Variants in UTRN observed in about 807,000 individuals in gnomAD.
The protein encoded by UTRN is dystrophin-related protein 1.
A neutral mutation model predicts 463.9 loss-of-function variants in UTRN; 283 were observed. The observed-to-expected ratio is 0.61, with a 90% confidence interval of 0.55 to 0.67. The LOEUF (loss-of-function observed/expected upper bound fraction) is 0.67. Among genes scored for constraint, UTRN ranks in the 30% least tolerant of loss-of-function variants. The probability of loss-of-function intolerance (pLI) is 0.00; values close to 1 mark genes in which losing one functional copy is unlikely to be tolerated. For missense variants in UTRN, 3,922 were observed against 4,084.3 expected (o/e 0.96, Z 1.08); for synonymous variants, 1,442 against 1,431.5 (o/e 1.01, Z -0.17).
At chr6:144,337,018 G>A (rs955318185) in intron 2 of UTRN, among the ~76,000 whole-genome samples, 5 of 151,974 alleles carry the variant, frequency 3.3e-5, no homozygotes, top group African/African-American at 7.3e-5. Flanking sequence ...CCTGCAGATC[G>A]CTGTCAGCCA....
At chr6:144,553,164 A>G (rs554861904) in intron 48 of UTRN, among the ~76,000 whole-genome samples, 204 of 152,214 alleles carry the variant, frequency 1.3e-3, no homozygotes, top group African/African-American at 4.7e-3. Context: ...CAGCCTCCCA[A>G]GTAGCTGGGA....
intron 28 of UTRN, among the ~76,000 whole-genome samples, 183 bp from the exon 29 acceptor site, chr6:144,487,365 C>G (rs1792566524): frequency 6.6e-6 from 1 of 152,074 alleles, no homozygotes. Flanking sequence ...CAATTTTATG[C>G]ATTTTTTAAT....
At chr6:144,517,009 A>T in intron 39 of UTRN, 61 bp downstream of exon 39, 2 of 1,340,404 alleles carry the variant, frequency 1.5e-6, no homozygotes, top group Non-Finnish European at 1.9e-6. Flanking sequence ...TGCCATTCAG[A>T]TGTGTGATGC....
intron 54 of UTRN, among the ~76,000 whole-genome samples, chr6:144,742,486 A>T (rs1241353890): frequency 6.6e-6 from 1 of 152,194 alleles, no homozygotes; most frequent in Non-Finnish European, 1.5e-5. Context: ...AAAGAGAGAG[A>T]GAAATAGGAG....
intron 3 of UTRN, among the ~76,000 whole-genome samples, chr6:144,418,604 T>A (rs1455537162): frequency 6.6e-6 from 1 of 151,902 alleles, no homozygotes; most frequent in Admixed American, 6.6e-5. Flanking sequence ...CTTGCTGTGT[T>A]GCCTAGGTTG....
chr6:144,435,833 G>A, intron 9 of UTRN, 102 bp from the exon 10 acceptor site: 2 of 1,295,346 alleles, frequency 1.5e-6, no homozygotes, highest in Non-Finnish European at 2.1e-6. Context: ...TAGTGCCTAA[G>A]ACAGAGTGGT....
chr6:144,721,910 G>T (rs766789817), intron 53 of UTRN, among the ~76,000 whole-genome samples: 1 of 152,162 alleles, frequency 6.6e-6, no homozygotes, highest in Non-Finnish European at 1.5e-5. Context: ...AATCATTTCA[G>T]CACTCAAGTT....
chr6:144,720,550 A>G (rs1371823901), intron 53 of UTRN, among the ~76,000 whole-genome samples: 10 of 152,224 alleles, frequency 6.6e-5, no homozygotes, highest in Non-Finnish European at 1.5e-4. Context: ...TTTAGTAGCT[A>G]CATTCTGATA....
chr6:144,448,882 A>C, intron 17 of UTRN, 113 bp downstream of exon 17: 2 of 1,211,592 alleles, frequency 1.7e-6, no homozygotes, highest in Non-Finnish European at 2.3e-6. Flanking sequence ...CATAATAAGT[A>C]TTATTATTAT....
At chr6:144,651,213 C>T (rs1778787734) in intron 51 of UTRN, among the ~76,000 whole-genome samples, 1 of 151,990 alleles carries the variant, frequency 6.6e-6, no homozygotes, top group Non-Finnish European at 1.5e-5. Flanking sequence ...GTGGAACCCT[C>T]ACCTCTGAAA....
At chr6:144,352,802 G>T (rs1423479115) in intron 2 of UTRN, among the ~76,000 whole-genome samples, 1 of 152,148 alleles carries the variant, frequency 6.6e-6, no homozygotes, top group Non-Finnish European at 1.5e-5. Context: ...CATAATTTGG[G>T]AAGTTATTCA....
At chr6:144,320,043 G>A (rs1286837045) in intron 2 of UTRN, among the ~76,000 whole-genome samples, 2 of 151,146 alleles carry the variant, frequency 1.3e-5, no homozygotes, top group East Asian at 3.9e-4. Context: ...TGGTAGAGAC[G>A]GGCTTTCACC....
intron 65 of UTRN, among the ~76,000 whole-genome samples, chr6:144,818,404 G>A (rs2128752260): frequency 6.6e-6 from 1 of 152,240 alleles, no homozygotes; most frequent in East Asian, 1.9e-4. Flanking sequence ...CCCTTTCTGA[G>A]GCACACTGGG....
rs138526405 is a variant in UTRN, at chr6:144,754,130, A to C, written c.8356-590A>C. On this transcript the variant is annotated intron_variant, in intron 56 of 74. Transcript: ENST00000367545. ...TCTCTCACTCCCCATATATATATATAATCTATTATCTATCTAACTATCTAG... is the reference window on the plus strand; with the variant it reads ...TCTCTCACTCCCCATATATATATATCATCTATTATCTATCTAACTATCTAG... Among the ~76,000 whole-genome samples the C allele has an allele frequency of 1.6e-3, 238 of 151,804 alleles. 2 individuals carry two copies. The East Asian group carries it at 0.038, about 24-fold the overall frequency.
chr6:144,555,208 T>C (rs1799269794), intron 49 of UTRN, among the ~76,000 whole-genome samples: 1 of 152,208 alleles, frequency 6.6e-6, no homozygotes, highest in African/African-American at 2.4e-5. Context: ...CTCCCTTCTG[T>C]ACTGTATTAG....
chr6:144,842,618 T>C (rs972332873), intron 73 of UTRN, among the ~76,000 whole-genome samples: 1 of 152,132 alleles, frequency 6.6e-6, no homozygotes, highest in Admixed American at 6.5e-5. Context: ...AATGAATAAA[T>C]AAAACATATA....
chr6:144,326,964 C>G (rs1776013064), intron 2 of UTRN, among the ~76,000 whole-genome samples: 1 of 152,168 alleles, frequency 6.6e-6, no homozygotes, highest in Non-Finnish European at 1.5e-5. Flanking sequence ...AAGGACAGTT[C>G]TGACTTTCCT....
In UTRN at chr6:144,563,719, G is replaced by A. The variant is rs1366764050; in HGVS notation, c.7289+6408G>A. Among the ~76,000 whole-genome samples, 3 of 152,034 alleles carry A rather than the reference G, an allele frequency of 2.0e-5. No individual in the cohort carries two copies. The East Asian group carries it at 5.8e-4, about 29-fold the overall frequency. On this transcript the variant is annotated intron_variant, in intron 50 of 74. Coordinates refer to ENST00000367545, the MANE Select transcript of UTRN (RefSeq NM_007124.3). ...GATTTTTAGTTTTCCCTTCCAAGCT[G>A]GGAATAAAGCTGGCCAAAAAGAGAA...
chr6:144,444,019 G>A (rs982836058), intron 13 of UTRN, among the ~76,000 whole-genome samples: 3 of 152,120 alleles, frequency 2.0e-5, no homozygotes, highest in African/African-American at 7.2e-5. Context: ...GAGCAGGTTT[G>A]GAGTCAAAGA....
Sources: gnomAD v4.1 joint callset for allele counts (sites outside exome capture counted in the v4.1 genomes callset) on GRCh38, gnomAD v4.1.1 for gene constraint, MANE v1.5 for transcripts, NCBI Gene and HGNC (gene_info 2026-07-23, HGNC 2026-07-21) for gene names.